APOB: variants seen among roughly 807,000 people sequenced by gnomAD.
APOB encodes apolipoprotein B.
APOB carries 153 observed loss-of-function variants against 314.1 expected under a neutral mutation model. The ratio of observed to expected loss-of-function variants is 0.49; its 90% CI spans 0.43 to 0.56. APOB has a LOEUF of 0.56. APOB is among the 20% of genes least tolerant of loss of function. The probability of loss-of-function intolerance (pLI) is 0.00; values close to 1 mark genes in which losing one functional copy is unlikely to be tolerated. For synonymous variants in APOB, 2,087 were observed against 2,036.4 expected (o/e 1.02, Z -0.67); for missense variants, 5,430 against 5,350.7 (o/e 1.01, Z -0.46).
chr2:21,010,834 G>A lies in APOB; in HGVS notation c.6034C>T (p.Arg2012Ter), dbSNP rs147863759. 9 of 1,613,972 alleles carry A rather than the reference G, an allele frequency of 5.6e-6. No homozygotes were observed. Among genetic ancestry groups the A allele is most frequent in the African/African-American group, 2.7e-5 (2 of 74,890 alleles). Reference protein sequence around the residue: ...KDKIGVELTGRTLADLTLLDS... With the variant: ...KDKIGVELTG ...AGTAGAGTTAGGTCAGCCAGAGTTCGTCCAGTAAGCTCCACGCCAATTTTA... is the reference window on the plus strand; with the variant it reads ...AGTAGAGTTAGGTCAGCCAGAGTTCATCCAGTAAGCTCCACGCCAATTTTA... The change falls in exon 26 of 29, where the codon CGA becomes TGA. Residue 2012 changes from arginine to a stop codon, truncating the protein, a stop_gained. Transcript: ENST00000233242. LOFTEE classifies it high-confidence loss of function.
At position 21,013,474 on chromosome 2, in the gene APOB, G is replaced by T; in HGVS notation, c.3902C>A (p.Pro1301His). Residue 1301 changes from proline (P) to histidine (H), a missense_variant, in exon 25 of 29, where the codon CCT (proline) becomes CAT (histidine). Physicochemically the swap from Pro to His is moderately conservative, Grantham distance 77. This residue lies in a region of APOB where 2,085 missense variants were observed against 2,079.7 expected (regional missense o/e 1.00). Transcript: ENST00000233242. The part of the protein sequence containing the change: ...KNSLKIEIPL[P>H]FGGKSSRDLK... Reference sequence around the variant, plus strand: ...ATCTCTGGAGGATTTGCCACCAAAAGGCAAAGGAATCTCAATTTTCAAACT... The same window carrying T: ...ATCTCTGGAGGATTTGCCACCAAAATGCAAAGGAATCTCAATTTTCAAACT... The T allele has an allele frequency of 6.2e-7, 1 of 1,614,174 alleles. No homozygotes were observed. The highest frequency in any genetic ancestry group is 1.6e-4 in the Middle Eastern group (1 of 6,062).
chr2:21,008,500 C>A lies in APOB; in HGVS notation c.8368G>T (p.Ala2790Ser), dbSNP rs970988407. 2 of 1,614,058 alleles carry A rather than the reference C, an allele frequency of 1.2e-6. No homozygotes were observed. Among genetic ancestry groups the A allele is most frequent in the Admixed American group, 1.7e-5 (1 of 59,998 alleles). Residue 2790 changes from alanine to serine, a missense_variant, in exon 26 of 29, where the codon GCA (alanine) becomes TCA (serine). Transcript: ENST00000233242. ...GTTSANEAGI[A>S]ASITAKGESK... ...TCTCCTTTGGCAGTGATGGAAGCTG[C>A]GATACCTGCTTCGTTTGCTGAGGTG... is the stretch of plus-strand genomic sequence containing the variant.
Position 21,008,369 on chromosome 2 carries a change from C to T in APOB, c.8499G>A (p.Lys2833=). Residue 2833 remains lysine, a synonymous_variant, in exon 26 of 29, where the codon AAG becomes AAA. Coordinates refer to ENST00000233242, the MANE Select transcript of APOB (RefSeq NM_000384.3). The part of the protein sequence containing the change: ...ALKESVKFSS[K]YLRTEHGSEM... Reference sequence around the variant, plus strand: ...CACTCCCATGCTCCGTTCTCAGGTACTTGCTGGAGAACTTCACTGACTCCT... The same window carrying T: ...CACTCCCATGCTCCGTTCTCAGGTATTTGCTGGAGAACTTCACTGACTCCT... 1.2e-6 allele frequency: 2 copies of T among 1,614,030 alleles called. No individual in the cohort carries two copies. The highest frequency in any genetic ancestry group is 8.5e-7 in the Non-Finnish European group (1 of 1,179,968).
chr2:21,011,560 G>A lies in APOB; in HGVS notation c.5308C>T (p.Leu1770Phe), dbSNP rs756855235. Reference protein sequence around the residue: ...AGLSLDFSSKLDNIYSSDKFY... With the variant: ...AGLSLDFSSKFDNIYSSDKFY... ...TTGTCAGAGCTGTAAATGTTGTCAAGTTTTGAAGAGAAGTCCAGTGATAAG... is the reference window on the plus strand; with the variant it reads ...TTGTCAGAGCTGTAAATGTTGTCAAATTTTGAAGAGAAGTCCAGTGATAAG... Residue 1770 changes from leucine (L) to phenylalanine (F), a missense_variant, in exon 26 of 29, where the codon CTT (leucine) becomes TTT (phenylalanine). By Grantham distance (22) the Leu-to-Phe change is conservative. Coordinates refer to ENST00000233242, the MANE Select transcript of APOB (RefSeq NM_000384.3). 11 of 1,614,030 alleles carry A rather than the reference G, an allele frequency of 6.8e-6. No individual in the cohort carries two copies. The highest frequency in any genetic ancestry group is 4.2e-6 in the Non-Finnish European group (5 of 1,180,004).
chr2:21,004,367 T>C lies in APOB; in HGVS notation c.11989A>G (p.Ile3997Val), dbSNP rs750147672. Residue 3997 changes from isoleucine to valine, a missense_variant, in exon 28 of 29, where the codon ATC becomes GTC. Coordinates refer to ENST00000233242, the MANE Select transcript of APOB (RefSeq NM_000384.3). ...GCTGGGGAGGCTGCTGAGGTGGAGA[T>C]GCCTTTCTTGTCTTTCTGGTAGCGC... ...HLRYQKDKKG[I>V]STSAASPAVG... The C allele has an allele frequency of 6.2e-6, 10 of 1,613,994 alleles. No homozygotes were observed. In the South Asian group the frequency reaches 1.1e-4, roughly 18 times the overall value.
At position 21,043,495 on chromosome 2, in the gene APOB, C is replaced by A. The variant is rs1664183753; in HGVS notation, c.121+18G>T. The A allele has an allele frequency of 6.3e-7, 1 of 1,598,776 alleles. No individual in the cohort carries two copies. The highest frequency in any genetic ancestry group is 8.5e-7 in the Non-Finnish European group (1 of 1,172,566). ...CGGGGCTGGGCGCCCTTCCACGCCC[C>A]ATGCGCAGATGCCTTACTTGGACAG... On this transcript the variant is annotated intron_variant, in intron 2 of 28. Transcript: ENST00000233242.
chr2:21,016,794 C>A lies in APOB; in HGVS notation c.3122-145G>T. 4.4e-6 allele frequency: 3 copies of A among 681,560 alleles called. No homozygotes were observed. In the South Asian group the frequency reaches 4.7e-5, roughly 11 times the overall value. 42.2% of individuals were successfully genotyped at this position (681,560 alleles called of 1,614,324 possible). A position where few individuals can be genotyped will look rare whatever the true frequency, so the allele number is the denominator to read the frequency against. Reference sequence around the variant, plus strand: ...GGTCAGGAGATCAAGACCATTCTGGCTAACATGGTGAAACCCCGTCTCTAC... The same window carrying A: ...GGTCAGGAGATCAAGACCATTCTGGATAACATGGTGAAACCCCGTCTCTAC... On this transcript the variant is annotated intron_variant, in intron 20 of 28. Transcript: ENST00000233242.
At position 21,007,879 on chromosome 2, in the gene APOB, C is replaced by T. The variant is rs754579149; in HGVS notation, c.8989G>A (p.Val2997Met). 5.0e-6 allele frequency: 8 copies of T among 1,613,946 alleles called. No individual in the cohort carries two copies. The highest frequency in any genetic ancestry group is 1.7e-5 in the Admixed American group (1 of 59,980). Residue 2997 changes from valine to methionine, a missense_variant, in exon 26 of 29, where the codon GTG becomes ATG. Physicochemically the swap from Val to Met is conservative, Grantham distance 21 (BLOSUM62 1). Transcript: ENST00000233242. ...TTAGCAGTTAGAACACTGTGGCCCA[C>T]ATGCTGGGAATCGACTTGTGATTGA... The part of the protein sequence containing the change: ...EIQSQVDSQH[V>M]GHSVLTAKGM...
At position 21,019,051 on chromosome 2, in the gene APOB, T is replaced by A; in HGVS notation, c.3062A>T (p.Glu1021Val). Residue 1021 changes from glutamate (E) to valine (V), a missense_variant, in exon 20 of 29, where the codon GAG (glutamate) becomes GTG (valine). Glu to Val is a moderately radical substitution (Grantham distance 121). Coordinates refer to ENST00000233242, the MANE Select transcript of APOB (RefSeq NM_000384.3). The stretch of plus-strand genomic sequence containing the variant: ...CAAGGCTCTGTCCTCTCTCTGGAGC[T>A]CATAGGTTGCGCTGACAGAATACTG... ...IEQYSVSATYELQREDRALVD... is the reference protein window; with the variant it reads ...IEQYSVSATYVLQREDRALVD... 1 of 1,613,960 alleles carries A rather than the reference T, an allele frequency of 6.2e-7. No homozygotes were observed. Among genetic ancestry groups the A allele is most frequent in the East Asian group, 2.2e-5 (1 of 44,836 alleles).
At chr2:21,025,173 C>A in intron 15 of APOB, 49 bp from the exon 16 acceptor site, 1 of 1,578,220 alleles carries the variant, frequency 6.3e-7, no homozygotes, top group Non-Finnish European at 8.7e-7. Context: ...CAATGTCAAA[C>A]ACCTTTCAGT....
chr2:21,014,959 G>T lies in APOB; in HGVS notation c.3696+114C>A. The T allele has an allele frequency of 1.2e-5, 14 of 1,143,250 alleles. No homozygotes were observed. The South Asian group carries it at 1.8e-4, about 15-fold the overall frequency. The allele number at this position is 1,143,250 out of a possible 1,614,324, so 70.8% of individuals were successfully genotyped here. On this transcript the variant is annotated intron_variant, in intron 23 of 28. Transcript: ENST00000233242. ...TTTTTCTCCCCAAGAATTCCCTGGG[G>T]GGAAGGAAGCATGCCTTATACATCT...
intron 21 of APOB, 109 bp from the exon 22 acceptor site, chr2:21,015,654 G>A (rs1663447324): frequency 8.3e-7 from 1 of 1,210,542 alleles, no homozygotes; most frequent in Non-Finnish European, 1.2e-6. Context: ...TACAAGGATG[G>A]TTCAGAGAAA....
chr2:21,040,272 A>G (rs1017366284), intron 4 of APOB, among the ~76,000 whole-genome samples: 1 of 152,214 alleles, frequency 6.6e-6, no homozygotes, highest in Non-Finnish European at 1.5e-5. Context: ...AGTCTCAGGT[A>G]TGTCTTTATC....
intron 20 of APOB, among the ~76,000 whole-genome samples, chr2:21,018,404 C>T (rs1186215752): frequency 6.6e-6 from 1 of 152,204 alleles, no homozygotes; most frequent in African/African-American, 2.4e-5. Flanking sequence ...CTTCACCTCT[C>T]CATATCTCTC....
chr2:21,041,339 G>A (rs979098589), intron 3 of APOB, among the ~76,000 whole-genome samples: 7 of 152,248 alleles, frequency 4.6e-5, no homozygotes, highest in South Asian at 4.1e-4. Context: ...GGCATGGGAA[G>A]GAGGATGTCC....
At position 21,006,392 on chromosome 2, in the gene APOB, A is replaced by C. The variant is rs139929439; in HGVS notation, c.10476T>G (p.Ile3492Met). ...SLESLTSYFSIESSTKGDVKG... is the reference protein window; with the variant it reads ...SLESLTSYFSMESSTKGDVKG... ...TGACATCTCCTTTGGTAGATGACTC[A>C]ATGGAAAAGTAAGAGGTGAGGCTTT... The change falls in exon 26 of 29, where the codon ATT (isoleucine) becomes ATG (methionine). Residue 3492 changes from isoleucine (I) to methionine (M), a missense_variant. Ile to Met is a conservative substitution (Grantham distance 10, BLOSUM62 1). Transcript: ENST00000233242. 6.2e-7 allele frequency: 1 copy of C among 1,614,074 alleles called. No homozygotes were observed. Among genetic ancestry groups the C allele is most frequent in the Non-Finnish European group, 8.5e-7 (1 of 1,179,982 alleles).
intron 6 of APOB, among the ~76,000 whole-genome samples, chr2:21,036,285 C>T (rs183862567): frequency 3.9e-5 from 6 of 152,254 alleles, no homozygotes; most frequent in Admixed American, 3.9e-4. Flanking sequence ...TGGTGCTGCC[C>T]AGAGTGGGGT....
chr2:21,025,065 T>C lies in APOB; in HGVS notation c.2304A>G (p.Lys768=), dbSNP rs757203887. 73 of 1,614,120 alleles carry C rather than the reference T, an allele frequency of 4.5e-5. No homozygotes were observed. The highest frequency in any genetic ancestry group is 6.0e-5 in the Non-Finnish European group (71 of 1,180,046). The change falls in exon 16 of 29, where the codon AAA becomes AAG. Residue 768 remains lysine (K), a synonymous_variant. Coordinates refer to ENST00000233242, the MANE Select transcript of APOB (RefSeq NM_000384.3). Reference sequence around the variant, plus strand: ...GGTAGGCTCTGGCTTCCGGGACTTCTTTGGATTTCAAATCTTTAATCAGCT... The same window carrying C: ...GGTAGGCTCTGGCTTCCGGGACTTCCTTGGATTTCAAATCTTTAATCAGCT... The part of the protein sequence containing the change: ...VEKLIKDLKS[K]EVPEARAYLR...
In APOB at chr2:21,035,660, T is replaced by C; in HGVS notation, c.742A>G (p.Thr248Ala). 6.2e-7 allele frequency: 1 copy of C among 1,614,044 alleles called. No homozygotes were observed. The highest frequency in any genetic ancestry group is 8.5e-7 in the Non-Finnish European group (1 of 1,179,970). Residue 248 changes from threonine to alanine, a missense_variant, in exon 7 of 29, where the codon ACA becomes GCA. Thr to Ala is a moderately conservative substitution (Grantham distance 58, BLOSUM62 0). This residue lies in a region of APOB where 2,085 missense variants were observed against 2,079.7 expected (regional missense o/e 1.00). Transcript: ENST00000233242. ...LISSSQSCQYTLDAKRKHVAE... is the reference protein window; with the variant it reads ...LISSSQSCQYALDAKRKHVAE... ...ACATGCTTCCTCTTAGCGTCCAGTG[T>C]GTACTGACAGGACTGGCTGCTGCTG...
Sources: gnomAD v4.1 joint callset for allele counts (sites outside exome capture counted in the v4.1 genomes callset) on GRCh38, gnomAD v4.1.1 for gene constraint, gnomAD v4.1.1 regional missense constraint, MANE v1.5 for transcripts, NCBI Gene and HGNC (gene_info 2026-07-23, HGNC 2026-07-21) for gene names.